The following PAX7 variants were observed in gnomAD, a reference collection of about 807,000 sequenced individuals.
PAX7 encodes the protein paired box protein Pax-7.
Under a neutral mutation model 50.7 loss-of-function variants are expected in PAX7, and 18 were observed. That is an observed-to-expected ratio of 0.36 (90% CI 0.25 to 0.53). The LOEUF (loss-of-function observed/expected upper bound fraction) is 0.53, where lower values mean the gene tolerates loss of function less well. Ranked by LOEUF, PAX7 falls within the 20% of genes least tolerant of loss-of-function variation. PAX7 has a pLI of 0.93. For synonymous variants in PAX7, 310 were observed against 290.4 expected (o/e 1.07, Z -0.69); for missense variants, 644 against 702.9 (o/e 0.92, Z 0.95).
intron 6 of PAX7, among the ~76,000 whole-genome samples, chr1:18,701,455 C>T (rs1044074058): frequency 2.7e-5 from 4 of 150,178 alleles, no homozygotes; most frequent in African/African-American, 7.3e-5. Flanking sequence ...TGAGTGTGTG[C>T]ATGTGCACGT....
At chr1:18,640,385 GGGGGGCAC>G (rs1009904980) in intron 4 of PAX7, among the ~76,000 whole-genome samples, 1 of 151,900 alleles carries the variant, frequency 6.6e-6, no homozygotes, top group African/African-American at 2.4e-5. Flanking sequence ...AATAGGGGAA[GGGGGGCAC>G]GGCTCCCCTC....
chr1:18,676,645 G>T (rs1449174228), intron 4 of PAX7, among the ~76,000 whole-genome samples: 1 of 152,134 alleles, frequency 6.6e-6, no homozygotes, highest in Non-Finnish European at 1.5e-5. Context: ...TGATGAAATT[G>T]GTCCTTCCCC....
chr1:18,683,791 G>A (rs2088933189), intron 4 of PAX7, among the ~76,000 whole-genome samples: 2 of 152,224 alleles, frequency 1.3e-5, no homozygotes, highest in Admixed American at 1.3e-4. Flanking sequence ...AGTGAGCTGA[G>A]ATCAAGCCAC....
At chr1:18,675,988 A>T (rs1488994881) in intron 4 of PAX7, among the ~76,000 whole-genome samples, 1 of 152,138 alleles carries the variant, frequency 6.6e-6, no homozygotes, top group Non-Finnish European at 1.5e-5. Flanking sequence ...TCCGCTCAGG[A>T]CCAAGTTTTC....
At chr1:18,659,551 AG>A (rs1351749830) in intron 4 of PAX7, among the ~76,000 whole-genome samples, 1 of 152,162 alleles carries the variant, frequency 6.6e-6, no homozygotes, top group Non-Finnish European at 1.5e-5. Flanking sequence ...CCCTGCTAGC[AG>A]GGCCAGGGAG....
At chr1:18,723,815 G>A (rs935150829) in intron 7 of PAX7, among the ~76,000 whole-genome samples, 4 of 152,206 alleles carry the variant, frequency 2.6e-5, no homozygotes, top group African/African-American at 7.2e-5. Flanking sequence ...GCCTGGCTGA[G>A]GGGGAGAGAG....
chr1:18,720,711 T>TGG (rs1345280068), intron 7 of PAX7, among the ~76,000 whole-genome samples: 27 of 145,958 alleles, frequency 1.8e-4, no homozygotes, highest in African/African-American at 6.1e-4. Flanking sequence ...TGGTGGAGAC[T>TGG]GGGGGGAGAG....
chr1:18,652,162 G>A (rs1245144034), intron 4 of PAX7, among the ~76,000 whole-genome samples: 3 of 151,514 alleles, frequency 2.0e-5, no homozygotes, highest in Non-Finnish European at 4.4e-5. Context: ...GGTAGTGGGG[G>A]TGTGCAGAGC....
chr1:18,696,968 T>A (rs940460638), intron 5 of PAX7, among the ~76,000 whole-genome samples: 25 of 152,174 alleles, frequency 1.6e-4, no homozygotes, highest in African/African-American at 5.5e-4. Context: ...TTTACCCCGA[T>A]GTGATTATTA....
At chr1:18,741,404 T>C (rs1021327306) in intron 8 of PAX7, among the ~76,000 whole-genome samples, 1 of 151,210 alleles carries the variant, frequency 6.6e-6, no homozygotes, top group Non-Finnish European at 1.5e-5. Flanking sequence ...GAGCCAAGAT[T>C]GCACTGTTGC....
chr1:18,713,094 G>A (rs1023534023), intron 7 of PAX7, among the ~76,000 whole-genome samples: 3 of 152,040 alleles, frequency 2.0e-5, no homozygotes, highest in African/African-American at 7.2e-5. Flanking sequence ...GAAAAAAAAG[G>A]GGAGGGGCAC....
intron 4 of PAX7, among the ~76,000 whole-genome samples, chr1:18,660,308 G>C (rs1296909050): frequency 6.6e-6 from 1 of 152,124 alleles, no homozygotes; most frequent in Non-Finnish European, 1.5e-5. Context: ...CTCTGCCCAG[G>C]ACACAGCAGG....
intron 4 of PAX7, among the ~76,000 whole-genome samples, chr1:18,662,719 C>T (rs904682703): frequency 1.3e-5 from 2 of 152,008 alleles, no homozygotes; most frequent in Non-Finnish European, 2.9e-5. Context: ...TACAGGGACA[C>T]GCCATCATGC....
chr1:18,710,560 C>T (rs1397590225), intron 7 of PAX7, among the ~76,000 whole-genome samples: 1 of 151,814 alleles, frequency 6.6e-6, no homozygotes, highest in Non-Finnish European at 1.5e-5. Context: ...TAAAAAAAAA[C>T]TGATGCAAAT....
intron 4 of PAX7, among the ~76,000 whole-genome samples, chr1:18,648,058 A>G (rs2088373719): frequency 6.6e-6 from 1 of 152,202 alleles, no homozygotes; most frequent in South Asian, 2.1e-4. Flanking sequence ...CTGTCCCCAC[A>G]GGCAGAGGCT....
intron 4 of PAX7, among the ~76,000 whole-genome samples, chr1:18,642,336 C>G (rs966656544): frequency 6.6e-6 from 1 of 152,030 alleles, no homozygotes; most frequent in African/African-American, 2.4e-5. Context: ...CTGGCCGTGG[C>G]CCTGGAAGCT....
At position 18,665,445 on chromosome 1, in the gene PAX7, G is replaced by A. The variant is rs149221382; in HGVS notation, c.587-26309G>A. Reference sequence around the variant, plus strand: ...GGCTGGAGTGCAGTGGCACGATCTCGGCTCACCGCAACCTCCACCTCCCTA... The same window carrying A: ...GGCTGGAGTGCAGTGGCACGATCTCAGCTCACCGCAACCTCCACCTCCCTA... On this transcript the variant is annotated intron_variant, in intron 4 of 8. Transcript: ENST00000420770. 3.4e-3 allele frequency among the ~76,000 whole-genome samples: 522 copies of A among 152,126 alleles called. 2 individuals carry two copies. Among genetic ancestry groups the A allele is most frequent in the African/African-American group, 0.011 (467 of 41,510 alleles).
intron 4 of PAX7, among the ~76,000 whole-genome samples, chr1:18,684,588 C>G (rs1251766074): frequency 6.6e-6 from 1 of 152,210 alleles, no homozygotes. Flanking sequence ...CCCGGCTTGC[C>G]GGGCCCCCAG....
At chr1:18,689,217 G>T (rs1383958933) in intron 4 of PAX7, among the ~76,000 whole-genome samples, 1 of 152,248 alleles carries the variant, frequency 6.6e-6, no homozygotes, top group Non-Finnish European at 1.5e-5. Context: ...TTCTTCTGAA[G>T]CCCCAAGGGC....
Sources: allele counts gnomAD v4.1 joint callset (sites outside exome capture counted in the v4.1 genomes callset), GRCh38; gene constraint gnomAD v4.1.1; transcripts MANE v1.5; gene names NCBI Gene and HGNC (gene_info 2026-07-23, HGNC 2026-07-21).